Variants in CCDC171 observed in about 807,000 individuals in gnomAD.
CCDC171 encodes coiled-coil domain-containing protein 171.
CCDC171 carries 177 observed loss-of-function variants against 168.2 expected under a neutral mutation model. The observed-to-expected ratio is 1.05, with a 90% CI of 0.93 to 1.19. CCDC171 has a LOEUF of 1.19. Ranked by LOEUF, CCDC171 falls within the 50% of genes most tolerant of loss-of-function variation. CCDC171 has a pLI of 0.00. For missense variants in CCDC171, 1,991 were observed against 1,539.0 expected, an observed-to-expected ratio of 1.29 and a Z score of -4.91; for synonymous variants, 687 against 540.8, an observed-to-expected ratio of 1.27 and a Z score of -3.75.
chr9:16,055,421 T>G (rs1012979221), intron 1 of CCDC171, among the ~76,000 whole-genome samples: 1 of 151,922 alleles, frequency 6.6e-6, no homozygotes, highest in African/African-American at 2.4e-5. Flanking sequence ...TTGACACTCA[T>G]GTGAAGAGGA....
At chr9:16,106,149 G>T in the CCDC171 span, among the ~76,000 whole-genome samples, 1 of 152,202 alleles carries the variant, frequency 6.6e-6, no homozygotes, top group Admixed American at 6.5e-5. Context: ...ACCTCAGTCT[G>T]CAGGCAAATC....
chr9:15,730,617 A>G (rs1224575704), intron 16 of CCDC171, among the ~76,000 whole-genome samples: 1 of 151,960 alleles, frequency 6.6e-6, no homozygotes, highest in South Asian at 2.1e-4. Flanking sequence ...TCTAATTAAA[A>G]ATAACCAAAC....
At chr9:15,587,974 C>T (rs899551756) in intron 4 of CCDC171, among the ~76,000 whole-genome samples, 5 of 152,086 alleles carry the variant, frequency 3.3e-5, no homozygotes, top group Admixed American at 6.6e-5. Flanking sequence ...CGGTGGCTCA[C>T]GCCTGTAATC....
At chr9:15,719,395 G>A (rs1372856300) in intron 11 of CCDC171, among the ~76,000 whole-genome samples, 1 of 102,768 alleles carries the variant, frequency 9.7e-6, no homozygotes, top group African/African-American at 3.5e-5. Flanking sequence ...CTGGCGGGGG[G>A]GTGGGGGGCG....
chr9:15,770,511 T>A (rs2056959007), intron 18 of CCDC171, among the ~76,000 whole-genome samples: 1 of 152,174 alleles, frequency 6.6e-6, no homozygotes, highest in Non-Finnish European at 1.5e-5. Context: ...ATGTATCATT[T>A]GTCTAAAATG....
At position 15,669,919 on chromosome 9, in the gene CCDC171, A is replaced by G. The variant is rs537671202; in HGVS notation, c.1076+3596A>G. On this transcript the variant is annotated intron_variant, in intron 9 of 25. Transcript: ENST00000380701. ...TCCAAAGATGGCTATTTGTTAAAAT[A>G]CCCTGTTATTGTCAAATTCTTAGCT... 4.5e-4 allele frequency among the ~76,000 whole-genome samples: 67 copies of G among 149,254 alleles called. 1 individual carries two copies. In the South Asian group the frequency reaches 9.9e-3, roughly 22 times the overall value.
In CCDC171 at chr9:15,779,103, G is replaced by T; in HGVS notation, c.3034G>T (p.Asp1012Tyr). ...TGTGAATGAAATGAAAAAGGAGCTT[G>T]ACAAAGCCCAGGGTCTGCAAATGCA... ...RSVNEMKKEL[D>Y]KAQGLQMQLN... The change falls in exon 20 of 26, where the codon GAC (aspartate) becomes TAC (tyrosine). Residue 1012 changes from aspartate (D) to tyrosine (Y), a missense_variant. Physicochemically the swap from Asp to Tyr is radical, Grantham distance 160. Coordinates refer to ENST00000380701, the MANE Select transcript of CCDC171 (RefSeq NM_173550.4). 1 of 1,600,878 alleles carries T rather than the reference G, an allele frequency of 6.2e-7. No individual in the cohort carries two copies. The highest frequency in any genetic ancestry group is 1.1e-5 in the South Asian group (1 of 87,156).
chr9:15,846,196 A>G (rs566353169), intron 21 of CCDC171, among the ~76,000 whole-genome samples: 2 of 152,204 alleles, frequency 1.3e-5, no homozygotes, highest in African/African-American at 4.8e-5. Context: ...ATAGCCACCT[A>G]ACTATATATT....
chr9:15,952,009 G>T lies in CCDC171; in HGVS notation c.3754-19600G>T, dbSNP rs546967907. 9.2e-5 allele frequency among the ~76,000 whole-genome samples: 14 copies of T among 152,046 alleles called. No individual in the cohort carries two copies. In the East Asian group the frequency reaches 2.5e-3, roughly 27 times the overall value. On this transcript the variant is annotated intron_variant, in intron 25 of 25. Transcript: ENST00000380701. ...TTTTATAATTTTTGGTCTTACATTA[G>T]GTCCTTGATCCATTTTGATTTAATT...
intron 18 of CCDC171, among the ~76,000 whole-genome samples, chr9:15,752,514 C>A (rs889408994): frequency 6.6e-6 from 1 of 152,096 alleles, no homozygotes; most frequent in African/African-American, 2.4e-5. Flanking sequence ...CAATAATAGA[C>A]TGGATAAAGA....
intron 6 of CCDC171, among the ~76,000 whole-genome samples, chr9:15,600,142 C>CAA (rs1307596786): frequency 6.6e-6 from 1 of 152,216 alleles, no homozygotes; most frequent in Non-Finnish European, 1.5e-5. Flanking sequence ...CTCAACTCGT[C>CAA]AGTCATTCTC....
intron 15 of CCDC171, among the ~76,000 whole-genome samples, chr9:15,728,731 G>C (rs952490285): frequency 5.9e-5 from 9 of 151,994 alleles, no homozygotes; most frequent in Admixed American, 5.3e-4. Flanking sequence ...AGACACATTG[G>C]TTCTTATCCT....
At chr9:15,856,432 G>C (rs886440216) in intron 23 of CCDC171, among the ~76,000 whole-genome samples, 2 of 151,912 alleles carry the variant, frequency 1.3e-5, no homozygotes, top group African/African-American at 4.8e-5. Context: ...GAATTATGTG[G>C]TATTTGTTCT....
intron 24 of CCDC171, among the ~76,000 whole-genome samples, chr9:15,878,240 G>A (rs912009171): frequency 2.0e-5 from 3 of 152,062 alleles, no homozygotes; most frequent in African/African-American, 7.2e-5. Context: ...TCTGATGAAG[G>A]TTTAATGTCC....
intron 3 of CCDC171, among the ~76,000 whole-genome samples, chr9:15,992,403 C>G (rs1832231155): frequency 6.6e-6 from 1 of 152,160 alleles, no homozygotes; most frequent in Admixed American, 6.5e-5. Flanking sequence ...GCTCTTCATG[C>G]TAAAAACTCT....
At chr9:15,564,654 C>T (rs983834396) in intron 2 of CCDC171, among the ~76,000 whole-genome samples, 1 of 152,206 alleles carries the variant, frequency 6.6e-6, no homozygotes, top group African/African-American at 2.4e-5. Flanking sequence ...TGCCTTTGGG[C>T]GTGGCGCCTA....
At chr9:15,775,387 CAG>C (rs2057265676) in intron 18 of CCDC171, among the ~76,000 whole-genome samples, 2 of 152,260 alleles carry the variant, frequency 1.3e-5, no homozygotes, top group South Asian at 4.1e-4. Flanking sequence ...TTTTTTAAGA[CAG>C]AGTCTCGCTC....
At chr9:15,865,574 A>T (rs1406911541) in intron 23 of CCDC171, among the ~76,000 whole-genome samples, 1 of 151,938 alleles carries the variant, frequency 6.6e-6, no homozygotes, top group Admixed American at 6.6e-5. Flanking sequence ...TTTTATGATG[A>T]TCCACTTCCA....
chr9:15,988,884 G>C (rs534549968), intron 3 of CCDC171, among the ~76,000 whole-genome samples: 1 of 152,168 alleles, frequency 6.6e-6, no homozygotes, highest in Non-Finnish European at 1.5e-5. Context: ...CTGGGGGAGG[G>C]GTGCCTGCCA....
Sources: gnomAD v4.1 joint callset for allele counts (sites outside exome capture counted in the v4.1 genomes callset) on GRCh38, gnomAD v4.1.1 for gene constraint, MANE v1.5 for transcripts, NCBI Gene and HGNC (gene_info 2026-07-23, HGNC 2026-07-21) for gene names.